The following AGO3 variants were observed in gnomAD, a reference collection of about 807,000 sequenced individuals.
The protein encoded by AGO3 is protein argonaute-3.
In AGO3, 16 loss-of-function variants were observed where a neutral mutation model predicts 105.5. That is an observed-to-expected ratio of 0.15 (90% CI 0.10 to 0.23). The LOEUF (loss-of-function observed/expected upper bound fraction) is 0.23. Ranked by LOEUF, AGO3 falls within the 10% of genes least tolerant of loss-of-function variation. AGO3 has a pLI of 1.00. For missense variants in AGO3, 534 were observed against 1,088.0 expected (o/e 0.49, Z 7.16); for synonymous variants, 340 against 367.3 (o/e 0.93, Z 0.85).
chr1:36,003,707 A>AAT (rs1553165838), intron 5 of AGO3, among the ~76,000 whole-genome samples: 6 of 120,272 alleles, frequency 5.0e-5, no homozygotes, highest in Non-Finnish European at 8.6e-5. Flanking sequence ...AAAAAAAAAA[A>AAT]AAATATATAT....
rs925986572 is a variant in AGO3, at chr1:36,064,408, G to A, written c.*8663G>A. The A allele has an allele frequency of 1.3e-5, 2 of 152,130 alleles. No homozygotes were observed. The highest frequency in any genetic ancestry group is 2.4e-5 in the African/African-American group (1 of 41,432). The allele number at this position is 152,130 out of a possible 1,614,324, so 9.4% of individuals were successfully genotyped here. On this transcript the variant is annotated 3_prime_UTR_variant, in exon 19 of 19. Transcript: ENST00000373191. ...AAAATAAAAATAAAAATAAATAAAA[G>A]TACATGAAAAAAGTATATTCCCTTA... is the stretch of plus-strand genomic sequence containing the variant.
intron 5 of AGO3, among the ~76,000 whole-genome samples, chr1:36,003,800 C>G (rs1640220998): frequency 7.0e-6 from 1 of 142,958 alleles, no homozygotes; most frequent in Non-Finnish European, 1.5e-5. Context: ...CAAATCATTA[C>G]AAGACAGGGA....
chr1:35,937,006 A>G (rs747297566), intron 1 of AGO3, among the ~76,000 whole-genome samples: 5 of 152,218 alleles, frequency 3.3e-5, no homozygotes, highest in African/African-American at 7.2e-5. Flanking sequence ...TAACAATATG[A>G]GAGAGACATA....
At chr1:35,955,593 T>A (rs549759789) in intron 2 of AGO3, among the ~76,000 whole-genome samples, 1 of 150,658 alleles carries the variant, frequency 6.6e-6, no homozygotes, top group Admixed American at 6.6e-5. Context: ...CTGTTAACTT[T>A]TTTTTTTTTT....
intron 2 of AGO3, among the ~76,000 whole-genome samples, chr1:35,948,058 C>T (rs1007385737): frequency 1.3e-5 from 2 of 151,680 alleles, no homozygotes; most frequent in African/African-American, 4.8e-5. Flanking sequence ...CATAGTGAGA[C>T]CACATATCTA....
chr1:36,036,065 T>A, intron 13 of AGO3, 112 bp from the exon 14 acceptor site: 17 of 865,638 alleles, frequency 2.0e-5, no homozygotes, highest in African/African-American at 3.4e-5. Context: ...TTGGATTACA[T>A]AGGACTTCCT....
chr1:36,013,982 T>C lies in AGO3; in HGVS notation c.1340T>C (p.Val447Ala), dbSNP rs529884441. The C allele has an allele frequency of 1.2e-6, 2 of 1,613,346 alleles. No individual in the cohort carries two copies. The highest frequency in any genetic ancestry group is 1.7e-6 in the Non-Finnish European group (2 of 1,179,854). ...DMRGKQFHTG[V>A]EIKMWAIACF... ...CGAGGGAAACAATTCCACACAGGAGTTGAAATCAAAATGTGGGCTATCGCT... is the reference window on the plus strand; with the variant it reads ...CGAGGGAAACAATTCCACACAGGAGCTGAAATCAAAATGTGGGCTATCGCT... The change falls in exon 11 of 19, where the codon GTT becomes GCT. Residue 447 changes from valine (V) to alanine (A), a missense_variant. Transcript: ENST00000373191.
chr1:36,010,682 C>T (rs1376851291), intron 9 of AGO3, among the ~76,000 whole-genome samples: 4 of 150,710 alleles, frequency 2.7e-5, no homozygotes, highest in South Asian at 2.1e-4. Context: ...CCGAGGGGGG[C>T]GGATCACCTG....
chr1:36,001,840 G>A (rs1436440253), intron 5 of AGO3, among the ~76,000 whole-genome samples: 2 of 152,120 alleles, frequency 1.3e-5, no homozygotes, highest in Non-Finnish European at 2.9e-5. Flanking sequence ...TATTTGGAGC[G>A]AGGAGGTTCA....
chr1:36,015,305 T>C (rs1640848371), intron 11 of AGO3, among the ~76,000 whole-genome samples: 1 of 152,198 alleles, frequency 6.6e-6, no homozygotes, highest in Admixed American at 6.5e-5. Flanking sequence ...GTGTGGAGTT[T>C]ACATGCCATC....
chr1:36,044,475 G>A (rs1642381393), intron 17 of AGO3, among the ~76,000 whole-genome samples: 2 of 152,026 alleles, frequency 1.3e-5, no homozygotes, highest in Non-Finnish European at 2.9e-5. Flanking sequence ...CCAGGCTGGA[G>A]TACAGTGGCA....
chr1:35,961,299 G>T (rs1396613597), intron 2 of AGO3, among the ~76,000 whole-genome samples: 1 of 151,948 alleles, frequency 6.6e-6, no homozygotes, highest in Non-Finnish European at 1.5e-5. Context: ...GGGTATCGCG[G>T]ATATTTCATT....
At position 36,003,026 on chromosome 1, in the gene AGO3, G is replaced by A. The variant is rs145419990; in HGVS notation, c.659-1315G>A. On this transcript the variant is annotated intron_variant, in intron 5 of 18. Coordinates refer to ENST00000373191, the MANE Select transcript of AGO3 (RefSeq NM_024852.4). The stretch of plus-strand genomic sequence containing the variant: ...GGGGAGGTTGCAGTGAGCCGAGATC[G>A]CGCCATTGCACTCCAGCCTGGACGA... 8.3e-3 allele frequency among the ~76,000 whole-genome samples: 1,258 copies of A among 152,132 alleles called. 27 individuals are homozygous for A. The highest frequency in any genetic ancestry group is 0.027 in the African/African-American group (1,128 of 41,500).
Position 36,055,291 on chromosome 1 carries a change from T to G in AGO3, c.2474+146T>G, listed in dbSNP as rs79099519. The G allele has an allele frequency of 4.4e-3, 3,548 of 811,318 alleles. 75 individuals are homozygous for G. The African/African-American group carries it at 0.053, about 12-fold the overall frequency. The allele number at this position is 811,318 out of a possible 1,614,324, so 50.3% of individuals were successfully genotyped here. ...GACTGCCCAAGGTTTCCTATTGAAATATATTGTCTAGGCTCATTAGTAATA... is the reference window on the plus strand; with the variant it reads ...GACTGCCCAAGGTTTCCTATTGAAAGATATTGTCTAGGCTCATTAGTAATA... On this transcript the variant is annotated intron_variant, in intron 18 of 18. Coordinates refer to ENST00000373191, the MANE Select transcript of AGO3 (RefSeq NM_024852.4). This position sits in a 1 kb window ranked among gnomAD's most constrained non-coding sequence, Gnocchi z 4.4.
intron 1 of AGO3, among the ~76,000 whole-genome samples, chr1:35,939,952 C>T (rs1285312523): frequency 6.6e-6 from 1 of 152,020 alleles, no homozygotes; most frequent in Non-Finnish European, 1.5e-5. Flanking sequence ...AAGTTATGGA[C>T]TCATGATATA....
intron 17 of AGO3, among the ~76,000 whole-genome samples, chr1:36,053,695 C>G (rs865959398): frequency 8.6e-5 from 13 of 151,284 alleles, no homozygotes; most frequent in African/African-American, 2.9e-4. Context: ...CTTCCTGCCT[C>G]AGCCTCCCAC....
At chr1:36,040,227 G>T in intron 15 of AGO3, 80 bp from the exon 16 acceptor site, 4 of 1,452,484 alleles carry the variant, frequency 2.8e-6, no homozygotes, top group Non-Finnish European at 3.7e-6. Flanking sequence ...GGAATCCTGA[G>T]ATTAAATCAT....
chr1:35,956,388 A>G (rs1646565411), intron 2 of AGO3, among the ~76,000 whole-genome samples: 1 of 152,236 alleles, frequency 6.6e-6, no homozygotes. Flanking sequence ...TCAATAGGTT[A>G]TTGGAAATAA....
intron 9 of AGO3, among the ~76,000 whole-genome samples, chr1:36,010,048 C>T (rs1640524444): frequency 6.8e-6 from 1 of 147,940 alleles, no homozygotes; most frequent in South Asian, 2.1e-4. Context: ...ACACCATTCT[C>T]CTGCTTCAGC....
Sources: allele counts gnomAD v4.1 joint callset (sites outside exome capture counted in the v4.1 genomes callset), GRCh38; gene constraint gnomAD v4.1.1; non-coding constraint Gnocchi (gnomAD v3.1); transcripts MANE v1.5; gene names NCBI Gene and HGNC (gene_info 2026-07-23, HGNC 2026-07-21).